Variants in CMTM8 observed in about 807,000 individuals in gnomAD.
CMTM8 encodes the protein CKLF like MARVEL transmembrane domain containing 8.
A neutral mutation model predicts 18.6 loss-of-function variants in CMTM8; 12 were observed. The ratio of observed to expected loss-of-function variants is 0.65; its 90% CI spans 0.41 to 1.05. The LOEUF (loss-of-function observed/expected upper bound fraction) is 1.05, where lower values mean the gene tolerates loss of function less well. CMTM8 is among the 50% of genes least tolerant of loss of function. CMTM8 has a pLI of 0.00. For missense variants in CMTM8, 217 were observed against 227.2 expected (o/e 0.95, Z 0.29); for synonymous variants, 87 against 90.6 (o/e 0.96, Z 0.23).
At chr3:32,352,498 G>A (rs909530493) in intron 1 of CMTM8, among the ~76,000 whole-genome samples, 1 of 152,196 alleles carries the variant, frequency 6.6e-6, no homozygotes, top group Non-Finnish European at 1.5e-5. Flanking sequence ...AAGCCCTCCA[G>A]GTGATTCTGA....
At chr3:32,311,670 G>A (rs978694492) in intron 1 of CMTM8, among the ~76,000 whole-genome samples, 8 of 152,146 alleles carry the variant, frequency 5.3e-5, no homozygotes, top group Non-Finnish European at 1.0e-4. Flanking sequence ...CACTTCTGTG[G>A]CCACATGTGT....
intron 1 of CMTM8, among the ~76,000 whole-genome samples, chr3:32,295,290 T>C (rs771760334): frequency 1.5e-4 from 23 of 151,502 alleles, no homozygotes; most frequent in Non-Finnish European, 2.7e-4. Context: ...ACCCCATCTC[T>C]GTTAAAAATA....
chr3:32,332,008 A>G (rs1696284411), intron 1 of CMTM8, among the ~76,000 whole-genome samples: 1 of 151,818 alleles, frequency 6.6e-6, no homozygotes, highest in African/African-American at 2.4e-5. Context: ...TGATTAAGGT[A>G]TTAAATGTTA....
At chr3:32,364,055 G>A (rs1024580076) in intron 2 of CMTM8, among the ~76,000 whole-genome samples, 11 of 152,236 alleles carry the variant, frequency 7.2e-5, no homozygotes, top group Admixed American at 3.3e-4. Context: ...CAGGTGAAGC[G>A]GACATCCCTA....
At chr3:32,315,158 T>A (rs1396615112) in intron 1 of CMTM8, among the ~76,000 whole-genome samples, 1 of 150,884 alleles carries the variant, frequency 6.6e-6, no homozygotes, top group Non-Finnish European at 1.5e-5. Flanking sequence ...GAGATGGAGT[T>A]TCACTCTGTC....
chr3:32,324,326 C>G (rs1159592516), intron 1 of CMTM8, among the ~76,000 whole-genome samples: 1 of 152,144 alleles, frequency 6.6e-6, no homozygotes, highest in Non-Finnish European at 1.5e-5. Flanking sequence ...AAATCTGCTT[C>G]CATCCAAAAA....
At chr3:32,328,506 T>C (rs1319564642) in intron 1 of CMTM8, among the ~76,000 whole-genome samples, 2 of 129,170 alleles carry the variant, frequency 1.5e-5, no homozygotes, top group South Asian at 4.9e-4. Context: ...GCTCTGATCG[T>C]GCCACTGCAC....
chr3:32,347,297 G>GTTTTTTTTTTTTTTTTT (rs56826485), intron 1 of CMTM8, among the ~76,000 whole-genome samples: 24 of 136,522 alleles, frequency 1.8e-4, no homozygotes, highest in African/African-American at 4.4e-4. Context: ...TTTTGCTTAG[G>GTTTTTTTTTTTTTTTTT]TTTTTTTTTT....
intron 2 of CMTM8, among the ~76,000 whole-genome samples, chr3:32,363,525 A>G (rs1473156611): frequency 6.6e-6 from 1 of 152,236 alleles, no homozygotes; most frequent in East Asian, 1.9e-4. Flanking sequence ...CCATGTGCTC[A>G]GCTGGAAACT....
intron 1 of CMTM8, among the ~76,000 whole-genome samples, chr3:32,329,472 A>C (rs926504581): frequency 6.6e-6 from 1 of 152,250 alleles, no homozygotes; most frequent in Non-Finnish European, 1.5e-5. Context: ...ATGGTTCAAC[A>C]TGAAGACTGA....
intron 1 of CMTM8, among the ~76,000 whole-genome samples, chr3:32,330,114 G>A (rs368680434): frequency 6.6e-6 from 1 of 150,940 alleles, no homozygotes; most frequent in East Asian, 1.9e-4. Flanking sequence ...TTCATAGAGT[G>A]GAAAATGTAA....
chr3:32,361,291 T>TTTTTTGTTTTTTTTTTTTTG lies in CMTM8; in HGVS notation c.321+3749_321+3750insTGTTTTTTTTTTTTTGTTTT, dbSNP rs1314833356. 1.1e-3 allele frequency among the ~76,000 whole-genome samples: 161 copies of TTTTTTGTTTTTTTTTTTTTG among 148,646 alleles called. 3 individuals carry two copies. Among genetic ancestry groups the TTTTTTGTTTTTTTTTTTTTG allele is most frequent in the Middle Eastern group, 3.4e-3 (1 of 290 alleles). On this transcript the variant is annotated intron_variant, in intron 2 of 3. Coordinates refer to ENST00000307526, the MANE Select transcript of CMTM8 (RefSeq NM_178868.5). ...CCACGGCGCCCAGCCTAAGAGTTTT[T>TTTTTTGTTTTTTTTTTTTTG]TTTTCTTTCAAATTTTGGAAAGGTA...
intron 1 of CMTM8, among the ~76,000 whole-genome samples, chr3:32,288,224 T>C (rs1236810916): frequency 6.6e-6 from 1 of 152,152 alleles, no homozygotes; most frequent in African/African-American, 2.4e-5. Flanking sequence ...TCAAGGAGCT[T>C]ACAACTTAAT....
intron 1 of CMTM8, among the ~76,000 whole-genome samples, chr3:32,326,521 T>C (rs1461866408): frequency 6.8e-6 from 1 of 147,084 alleles, no homozygotes; most frequent in Admixed American, 6.7e-5. Context: ...CTTTCTTTTT[T>C]TTTTTTTTTT....
At chr3:32,283,524 C>G (rs1275401712) in intron 1 of CMTM8, among the ~76,000 whole-genome samples, 1 of 152,178 alleles carries the variant, frequency 6.6e-6, no homozygotes, top group South Asian at 2.1e-4. Flanking sequence ...GCCTGCGGAA[C>G]AGGATGGCGA....
In CMTM8 at chr3:32,238,901, C is replaced by T. The variant is rs953592931; in HGVS notation, c.-72C>T. 1.4e-6 allele frequency: 2 copies of T among 1,432,830 alleles called. No individual in the cohort carries two copies. Among genetic ancestry groups the T allele is most frequent in the African/African-American group, 3.0e-5 (2 of 67,000 alleles). 88.8% of individuals were successfully genotyped at this position (1,432,830 alleles called of 1,614,324 possible). ...CTCCCCCGCGCCTGTGTCCCCAGGG[C>T]GCAGGGCCGCGCGTCCAGCCCCAGA... On this transcript the variant is annotated 5_prime_UTR_variant, in exon 1 of 4. Transcript: ENST00000307526.
chr3:32,322,325 T>C (rs570286114), intron 1 of CMTM8, among the ~76,000 whole-genome samples: 1 of 152,336 alleles, frequency 6.6e-6, no homozygotes, highest in African/African-American at 2.4e-5. Flanking sequence ...TGGTCATCTT[T>C]CAAATATTCT....
intron 1 of CMTM8, among the ~76,000 whole-genome samples, chr3:32,299,792 C>T (rs1024083517): frequency 3.9e-5 from 6 of 152,144 alleles, no homozygotes; most frequent in Non-Finnish European, 7.3e-5. Flanking sequence ...CAAAGATCAT[C>T]TAATAATCTA....
At chr3:32,359,993 G>A (rs544249224) in intron 2 of CMTM8, among the ~76,000 whole-genome samples, 1 of 152,258 alleles carries the variant, frequency 6.6e-6, no homozygotes, top group South Asian at 2.1e-4. Flanking sequence ...CTGAGCGGTA[G>A]GTAGGAACTA....
Sources: allele counts gnomAD v4.1 joint callset (sites outside exome capture counted in the v4.1 genomes callset), GRCh38; gene constraint gnomAD v4.1.1; transcripts MANE v1.5; gene names NCBI Gene and HGNC (gene_info 2026-07-23, HGNC 2026-07-21).